The following NDRG3 variants were observed in gnomAD, a reference collection of about 807,000 sequenced individuals.
NDRG3 encodes protein NDRG3.
In NDRG3, 23 loss-of-function variants were observed where a neutral mutation model predicts 57.2. The observed-to-expected ratio is 0.40, with a 90% CI of 0.29 to 0.57. NDRG3 has a LOEUF of 0.57. Ranked by LOEUF, NDRG3 falls within the 20% of genes least tolerant of loss-of-function variation. The pLI, the probability that NDRG3 is intolerant of heterozygous loss-of-function variation, is 0.42. For missense variants in NDRG3, 384 were observed against 457.3 expected (o/e 0.84, Z 1.46); for synonymous variants, 132 against 162.6 (o/e 0.81, Z 1.43).
At chr20:36,688,536 C>T in intron 4 of NDRG3, 143 bp downstream of exon 4, 1 of 640,036 alleles carries the variant, frequency 1.6e-6, no homozygotes, top group South Asian at 1.9e-5. Context: ...AACTTTATAC[C>T]ATTAACGAAT....
intron 1 of NDRG3, among the ~76,000 whole-genome samples, chr20:36,742,525 G>T (rs532508748): frequency 1.2e-4 from 19 of 152,058 alleles, no homozygotes; most frequent in Non-Finnish European, 2.6e-4. Flanking sequence ...CAGGTTTCAG[G>T]GCTTTCTTTG....
At chr20:36,681,789 T>C (rs1981324580) in intron 7 of NDRG3, among the ~76,000 whole-genome samples, 1 of 151,706 alleles carries the variant, frequency 6.6e-6, no homozygotes, top group Admixed American at 6.6e-5. Flanking sequence ...TCTCGGCCTC[T>C]AGGATTCATG....
intron 13 of NDRG3, among the ~76,000 whole-genome samples, chr20:36,659,069 T>C (rs965894037): frequency 7.9e-5 from 12 of 151,652 alleles, no homozygotes; most frequent in African/African-American, 2.9e-4. Context: ...TCGCCTCAGC[T>C]TCCTGAGTAG....
chr20:36,672,689 C>T (rs750201744), intron 8 of NDRG3, among the ~76,000 whole-genome samples: 4 of 151,934 alleles, frequency 2.6e-5, no homozygotes, highest in Non-Finnish European at 4.4e-5. Flanking sequence ...ATTAGCCAGG[C>T]GTGGTGGTGT....
chr20:36,684,695 CA>C lies in NDRG3; in HGVS notation c.321-221del, dbSNP rs952914222. 6.1e-4 allele frequency among the ~76,000 whole-genome samples: 93 copies of C among 152,056 alleles called. 1 individual carries two copies. The highest frequency in any genetic ancestry group is 2.2e-3 in the African/African-American group (90 of 41,474). On this transcript the variant is annotated intron_variant, in intron 5 of 15. Coordinates refer to ENST00000349004, the MANE Select transcript of NDRG3 (RefSeq NM_032013.4). ...AGAAACCTCATCTCTACTAAAAATA[CA>C]AAATTAGCTGGGTGTGGTAGCACAT...
intron 1 of NDRG3, among the ~76,000 whole-genome samples, chr20:36,735,347 T>C (rs1348784617): frequency 6.6e-6 from 1 of 152,212 alleles, no homozygotes; most frequent in Non-Finnish European, 1.5e-5. Flanking sequence ...GATGCTCAAC[T>C]GGTAAGTATA....
At chr20:36,675,516 AG>A (rs1980609005) in intron 8 of NDRG3, among the ~76,000 whole-genome samples, 1 of 150,716 alleles carries the variant, frequency 6.6e-6, no homozygotes, top group Non-Finnish European at 1.5e-5. Context: ...CCTCCCGAGT[AG>A]CTGGGATTAT....
Position 36,716,519 on chromosome 20 carries a change from C to T in NDRG3, c.57+5160G>A, listed in dbSNP as rs371216893. On this transcript the variant is annotated intron_variant, in intron 2 of 15. Transcript: ENST00000349004. Reference sequence around the variant, plus strand: ...CTGCACTCCAGCCTGGGCAACAGAGCGAGACTCCATCTCAAAAAAAAAAAA... The same window carrying T: ...CTGCACTCCAGCCTGGGCAACAGAGTGAGACTCCATCTCAAAAAAAAAAAA... Among the ~76,000 whole-genome samples the T allele has an allele frequency of 1.1e-4, 16 of 139,842 alleles. No individual in the cohort carries two copies. The East Asian group carries it at 1.2e-3, about 10-fold the overall frequency. The allele number at this position is 139,842 out of a possible 152,430, so 91.7% of individuals were successfully genotyped here. A position where few individuals can be genotyped will look rare whatever the true frequency, so the allele number is the denominator to read the frequency against.
chr20:36,720,773 C>CTT (rs373924170), intron 2 of NDRG3, among the ~76,000 whole-genome samples: 8 of 140,934 alleles, frequency 5.7e-5, no homozygotes, highest in Admixed American at 2.9e-4. Flanking sequence ...TTTTTCTTTT[C>CTT]TTTTTTTTTT....
chr20:36,654,215 G>C (rs1175571166), intron 15 of NDRG3, among the ~76,000 whole-genome samples: 1 of 152,198 alleles, frequency 6.6e-6, no homozygotes, highest in Non-Finnish European at 1.5e-5. Context: ...GGGCAGATTG[G>C]CTTGGAGCTG....
chr20:36,683,169 G>A (rs551705838), intron 6 of NDRG3, among the ~76,000 whole-genome samples: 1 of 151,628 alleles, frequency 6.6e-6, no homozygotes, highest in Non-Finnish European at 1.5e-5. Flanking sequence ...GCATGAACCC[G>A]GGAGGTGGAG....
intron 1 of NDRG3, among the ~76,000 whole-genome samples, chr20:36,728,698 G>A (rs138360076): frequency 1.8e-3 from 272 of 152,194 alleles, no homozygotes; most frequent in Non-Finnish European, 3.1e-3. Flanking sequence ...AAACACATCT[G>A]GTTCAAGGCA....
chr20:36,688,096 G>A (rs77485762), intron 4 of NDRG3, among the ~76,000 whole-genome samples: 4,297 of 152,298 alleles, frequency 0.028, 242 homozygotes, highest in African/African-American at 0.099. Context: ...TTGTATACCT[G>A]CTTAAATCAC....
intron 12 of NDRG3, 53 bp from the exon 13 acceptor site, chr20:36,660,437 A>G (rs1979072244): frequency 1.4e-6 from 2 of 1,380,056 alleles, no homozygotes; most frequent in South Asian, 1.2e-5. Context: ...TAGGAAAAAA[A>G]ACGAAATAGC....
At chr20:36,690,134 G>A (rs1982144795) in intron 3 of NDRG3, among the ~76,000 whole-genome samples, 1 of 152,188 alleles carries the variant, frequency 6.6e-6, no homozygotes, top group Admixed American at 6.5e-5. Flanking sequence ...TGCTAGCTGT[G>A]TATACTTCTA....
At chr20:36,737,734 G>A (rs1272237552) in intron 1 of NDRG3, among the ~76,000 whole-genome samples, 1 of 152,004 alleles carries the variant, frequency 6.6e-6, no homozygotes, top group Non-Finnish European at 1.5e-5. Flanking sequence ...TCCTTCTAAT[G>A]CATATTCTCA....
chr20:36,693,143 C>T (rs6124210), intron 3 of NDRG3, among the ~76,000 whole-genome samples: 7,512 of 23,880 alleles, frequency 0.31, 755 homozygotes, highest in Non-Finnish European at 0.4. Context: ...TATATATATA[C>T]ACACACACAC....
intron 8 of NDRG3, among the ~76,000 whole-genome samples, chr20:36,678,377 A>G (rs1980942749): frequency 6.6e-6 from 1 of 152,164 alleles, no homozygotes; most frequent in Non-Finnish European, 1.5e-5. Flanking sequence ...CCCCTTAGGG[A>G]GATGCAAATT....
intron 1 of NDRG3, among the ~76,000 whole-genome samples, chr20:36,730,477 T>C (rs1295857557): frequency 6.6e-6 from 1 of 151,906 alleles, no homozygotes; most frequent in African/African-American, 2.4e-5. Flanking sequence ...TAAGATGCGA[T>C]TTTTTAAAGA....
Sources: allele counts gnomAD v4.1 joint callset (sites outside exome capture counted in the v4.1 genomes callset), GRCh38; gene constraint gnomAD v4.1.1; transcripts MANE v1.5; gene names NCBI Gene and HGNC (gene_info 2026-07-23, HGNC 2026-07-21).